Variants in GABRG3 observed in about 807,000 individuals in gnomAD.
GABRG3 encodes the protein gamma-aminobutyric acid type A receptor subunit gamma3, also known as gamma-aminobutyric acid receptor subunit gamma-3.
GABRG3 carries 25 observed loss-of-function variants against 48.8 expected under a neutral mutation model. The ratio of observed to expected loss-of-function variants is 0.51; its 90% CI spans 0.37 to 0.72. GABRG3 has a LOEUF of 0.72. GABRG3 is among the 30% of genes least tolerant of loss of function. The probability of loss-of-function intolerance (pLI) is 0.00; values close to 1 mark genes in which losing one functional copy is unlikely to be tolerated. For missense variants in GABRG3, 394 were observed against 577.9 expected (o/e 0.68, Z 3.26); for synonymous variants, 227 against 217.6 (o/e 1.04, Z -0.38).
At chr15:27,452,678 G>A (rs1200690183) in intron 5 of GABRG3, among the ~76,000 whole-genome samples, 1 of 152,220 alleles carries the variant, frequency 6.6e-6, no homozygotes, top group Non-Finnish European at 1.5e-5. Flanking sequence ...AGTAGGCTGA[G>A]GGGGAGGAAG....
chr15:27,109,740 G>A (rs575126064), intron 3 of GABRG3, among the ~76,000 whole-genome samples: 5 of 152,170 alleles, frequency 3.3e-5, no homozygotes, highest in African/African-American at 1.2e-4. Flanking sequence ...CAATTAGCCG[G>A]ATGTGGTGGC....
rs113501820 is a variant in GABRG3 at position 27,511,904 on chromosome 15, G to A, written c.713-8068G>A. Among the ~76,000 whole-genome samples, 348 of 152,310 alleles carry A rather than the reference G, an allele frequency of 2.3e-3. 5 individuals are homozygous for A. Among genetic ancestry groups the A allele is most frequent in the Admixed American group, 0.017 (259 of 15,300 alleles). ...CTGAGTCAGTGAGGAAGTAAGCAAC[G>A]CTGGAGATTTGTGGGAGGAACGTTC... On this transcript the variant is annotated intron_variant, in intron 6 of 9. Transcript: ENST00000615808.
chr15:27,300,141 G>A (rs1220514312), intron 3 of GABRG3, among the ~76,000 whole-genome samples: 1 of 152,136 alleles, frequency 6.6e-6, no homozygotes, highest in African/African-American at 2.4e-5. Flanking sequence ...GTGTGAACCA[G>A]ATCAGTTAGT....
rs181005489 is a variant in GABRG3 at position 27,145,780 on chromosome 15, A to G, written c.270+118959A>G. ...ATCAAGTAATCTCAATGGACTCTCA[A>G]TAGGAAAAACTCAGAGATTCATGCT... is the stretch of plus-strand genomic sequence containing the variant. On this transcript the variant is annotated intron_variant, in intron 3 of 9. Coordinates refer to ENST00000615808, the MANE Select transcript of GABRG3 (RefSeq NM_033223.5). 3.2e-3 allele frequency among the ~76,000 whole-genome samples: 487 copies of G among 152,248 alleles called. 2 individuals are homozygous for G. Among genetic ancestry groups the G allele is most frequent in the African/African-American group, 0.011 (471 of 41,550 alleles).
intron 6 of GABRG3, among the ~76,000 whole-genome samples, chr15:27,487,172 G>GA (rs1201285324): frequency 1.3e-5 from 2 of 152,120 alleles, no homozygotes; most frequent in African/African-American, 2.4e-5. Context: ...GGGAAATGCA[G>GA]AAAAAACCTC....
intron 6 of GABRG3, among the ~76,000 whole-genome samples, chr15:27,498,702 G>A (rs1011601235): frequency 4.6e-5 from 7 of 151,948 alleles, no homozygotes; most frequent in African/African-American, 1.7e-4. Context: ...GTGAGGCCAG[G>A]CTATTTGAGG....
chr15:27,020,090 G>T (rs1362368461), intron 2 of GABRG3, among the ~76,000 whole-genome samples: 1 of 152,126 alleles, frequency 6.6e-6, no homozygotes, highest in Non-Finnish European at 1.5e-5. Context: ...ATTAGGTTCT[G>T]TTTTCAGCCT....
At chr15:27,357,499 A>G (rs888194835) in intron 5 of GABRG3, among the ~76,000 whole-genome samples, 1 of 152,200 alleles carries the variant, frequency 6.6e-6, no homozygotes, top group Non-Finnish European at 1.5e-5. Flanking sequence ...TTAGACATTC[A>G]AAAATATGTA....
chr15:27,539,697 G>T lies in GABRG3; in HGVS notation c.*6816G>T, dbSNP rs976496330. On this transcript the variant is annotated 3_prime_UTR_variant, in exon 10 of 10. Transcript: ENST00000615808. Reference sequence around the variant, plus strand: ...TCTGTCACTCTCATGGGGAGATCAGGGTACCCACTCCTCTACGTAGCTTGG... The same window carrying T: ...TCTGTCACTCTCATGGGGAGATCAGTGTACCCACTCCTCTACGTAGCTTGG... 1 of 152,220 alleles carries T rather than the reference G, an allele frequency of 6.6e-6. No individual in the cohort carries two copies. Among genetic ancestry groups the T allele is most frequent in the Non-Finnish European group, 1.5e-5 (1 of 68,030 alleles). 9.4% of individuals were successfully genotyped at this position (152,220 alleles called of 1,614,324 possible).
chr15:27,429,771 A>G (rs1426042730), intron 5 of GABRG3, among the ~76,000 whole-genome samples: 1 of 152,204 alleles, frequency 6.6e-6, no homozygotes, highest in Admixed American at 6.5e-5. Flanking sequence ...GCTGAGTAAT[A>G]TTCCATCGCA....
At chr15:27,266,114 A>G (rs972166461) in intron 3 of GABRG3, among the ~76,000 whole-genome samples, 4 of 152,102 alleles carry the variant, frequency 2.6e-5, no homozygotes, top group Non-Finnish European at 5.9e-5. Flanking sequence ...TGCCGACCTC[A>G]GGTGATCTGC....
intron 2 of GABRG3, among the ~76,000 whole-genome samples, chr15:26,988,997 C>T (rs535303233): frequency 6.6e-6 from 1 of 152,150 alleles, no homozygotes; most frequent in African/African-American, 2.4e-5. Context: ...ATTGTGCAGC[C>T]ATAATTTAGG....
rs572587826 is a variant in GABRG3, at chr15:27,316,151, G to A, written c.271-10658G>A. Among the ~76,000 whole-genome samples the A allele has an allele frequency of 5.9e-5, 9 of 152,258 alleles. No homozygotes were observed. The South Asian group carries it at 8.3e-4, about 14-fold the overall frequency. ...TGTAATCCCAGCACTTTGGGAGGCC[G>A]AGGTGGGCGGATCACGAGGTCAGGA... On this transcript the variant is annotated intron_variant, in intron 3 of 9. Coordinates refer to ENST00000615808, the MANE Select transcript of GABRG3 (RefSeq NM_033223.5).
intron 3 of GABRG3, among the ~76,000 whole-genome samples, chr15:27,151,147 C>T (rs1898304142): frequency 6.6e-6 from 1 of 152,172 alleles, no homozygotes; most frequent in African/African-American, 2.4e-5. Context: ...TACAGTATCA[C>T]AACTAGGATG....
At position 27,081,944 on chromosome 15, in the gene GABRG3, C is replaced by T. The variant is rs140445119; in HGVS notation, c.270+55123C>T. On this transcript the variant is annotated intron_variant, in intron 3 of 9. Transcript: ENST00000615808. ...TTTCACTGAATTGAGTTCTAATCTT[C>T]AGTGAGAGTTCTCTTGGGGACCCAG... 2.6e-3 allele frequency among the ~76,000 whole-genome samples: 398 copies of T among 152,308 alleles called. 1 individual carries two copies. Among genetic ancestry groups the T allele is most frequent in the African/African-American group, 9.3e-3 (386 of 41,564 alleles).
intron 2 of GABRG3, among the ~76,000 whole-genome samples, chr15:27,004,026 G>A (rs1215144625): frequency 1.2e-4 from 18 of 149,788 alleles, no homozygotes; most frequent in African/African-American, 4.4e-4. Context: ...TCCGGGCGGG[G>A]GGCTGAACCC....
chr15:27,009,452 G>C (rs912058304), intron 2 of GABRG3, among the ~76,000 whole-genome samples: 5 of 152,144 alleles, frequency 3.3e-5, no homozygotes, highest in Non-Finnish European at 7.3e-5. Flanking sequence ...TACATATTTA[G>C]ATAAACAAAC....
chr15:27,369,076 C>G (rs1895307982), intron 5 of GABRG3, among the ~76,000 whole-genome samples: 1 of 152,058 alleles, frequency 6.6e-6, no homozygotes, highest in South Asian at 2.1e-4. Flanking sequence ...TTAGTTTTAC[C>G]TTGCTTATGT....
chr15:27,272,011 C>G (rs1201318226), intron 3 of GABRG3, among the ~76,000 whole-genome samples: 2 of 152,198 alleles, frequency 1.3e-5, no homozygotes, highest in Non-Finnish European at 2.9e-5. Context: ...CAGGCCCCGC[C>G]TGGTGCACAG....
Sources: allele counts gnomAD v4.1 joint callset (sites outside exome capture counted in the v4.1 genomes callset), GRCh38; gene constraint gnomAD v4.1.1; transcripts MANE v1.5; gene names NCBI Gene and HGNC (gene_info 2026-07-23, HGNC 2026-07-21).